MYO1B: variants seen among roughly 807,000 people sequenced by gnomAD.
MYO1B encodes unconventional myosin-Ib.
Under a neutral mutation model 159.7 loss-of-function variants are expected in MYO1B, and 72 were observed. That is an observed-to-expected ratio of 0.45 (90% CI 0.37 to 0.55). MYO1B has a LOEUF of 0.55. Among genes scored for constraint, MYO1B ranks in the 20% least tolerant of loss-of-function variants. The probability of loss-of-function intolerance (pLI) is 0.00; values close to 1 mark genes in which losing one functional copy is unlikely to be tolerated. For missense variants in MYO1B, 1,062 were observed against 1,364.8 expected, an observed-to-expected ratio of 0.78 and a Z score of 3.50; for synonymous variants, 468 against 473.8, an observed-to-expected ratio of 0.99 and a Z score of 0.16.
At position 191,372,411 on chromosome 2, in the gene MYO1B, T is replaced by C. The variant is rs575032097; in HGVS notation, c.1185+2119T>C. Among the ~76,000 whole-genome samples the C allele has an allele frequency of 3.9e-4, 60 of 152,298 alleles. No individual in the cohort carries two copies. In the Middle Eastern group the frequency reaches 0.01, roughly 26 times the overall value. Reference sequence around the variant, plus strand: ...TTAGCCATGGGAAAAGAAACACTTATAACACTCAAAGGAAACTGAGTTATA... The same window carrying C: ...TTAGCCATGGGAAAAGAAACACTTACAACACTCAAAGGAAACTGAGTTATA... On this transcript the variant is annotated intron_variant, in intron 13 of 30. Transcript: ENST00000392318.
chr2:191,414,938 A>G (rs950681181), intron 29 of MYO1B, among the ~76,000 whole-genome samples: 1 of 152,130 alleles, frequency 6.6e-6, no homozygotes, highest in Non-Finnish European at 1.5e-5. Flanking sequence ...TTTTTCTTCT[A>G]TGTATCAACT....
At chr2:191,423,572 C>T (rs1221373837) in intron 30 of MYO1B, among the ~76,000 whole-genome samples, 3 of 152,122 alleles carry the variant, frequency 2.0e-5, no homozygotes, top group East Asian at 1.9e-4. Flanking sequence ...TTCACTGAAA[C>T]GTTGTTAGGT....
In MYO1B at chr2:191,386,091, G is replaced by A. The variant is rs549577207; in HGVS notation, c.1554+7G>A. The A allele has an allele frequency of 5.6e-6, 9 of 1,613,758 alleles. No homozygotes were observed. The highest frequency in any genetic ancestry group is 6.8e-6 in the Non-Finnish European group (8 of 1,179,794). The stretch of plus-strand genomic sequence containing the variant: ...CCAGCATTATGCTGGAAAGGTATGG[G>A]GGAGCTGTGAGCACCCAGTCAGGCC... On this transcript the variant is annotated splice_region_variant and intron_variant, in intron 16 of 30. Coordinates refer to ENST00000392318, the MANE Select transcript of MYO1B (RefSeq NM_001130158.3).
rs572116213 is a variant in MYO1B, at chr2:191,265,651, C to T, written c.-9-11236C>T. Among the ~76,000 whole-genome samples, 12 of 152,200 alleles carry T rather than the reference C, an allele frequency of 7.9e-5. No homozygotes were observed. In the South Asian group the frequency reaches 2.5e-3, roughly 32 times the overall value. ...TACGTTCACTTAGGGGTTCCGGGGT[C>T]TCAGGTTTGCCAATCTAAACACATT... is the stretch of plus-strand genomic sequence containing the variant. On this transcript the variant is annotated intron_variant, in intron 1 of 30. Transcript: ENST00000392318.
chr2:191,296,195 A>G lies in MYO1B; in HGVS notation c.220A>G (p.Asn74Asp), dbSNP rs200150637. 1,175 of 1,609,390 alleles carry G rather than the reference A, an allele frequency of 7.3e-4. No individual in the cohort carries two copies. Among genetic ancestry groups the G allele is most frequent in the Non-Finnish European group, 9.4e-4 (1,108 of 1,176,844 alleles). Residue 74 changes from asparagine (N) to aspartate (D), a missense_variant, in exon 3 of 31, where the codon AAC becomes GAC. Asn to Asp is a conservative substitution (Grantham distance 23). Transcript: ENST00000392318. ...YSPEKVEEYRNRNFYELSPHI... is the reference protein window; with the variant it reads ...YSPEKVEEYRDRNFYELSPHI... ...ACCAGAGAAAGTGGAAGAATACAGG[A>G]ACAGAAATTTTTATGAACTGAGCCC...
chr2:191,343,415 T>A (rs1692352857), intron 5 of MYO1B, among the ~76,000 whole-genome samples: 1 of 152,120 alleles, frequency 6.6e-6, no homozygotes, highest in African/African-American at 2.4e-5. Flanking sequence ...ACACTTCCCA[T>A]GCTTCAGTTT....
At chr2:191,378,088 G>A (rs1360428414) in intron 13 of MYO1B, among the ~76,000 whole-genome samples, 1 of 151,998 alleles carries the variant, frequency 6.6e-6, no homozygotes, top group Non-Finnish European at 1.5e-5. Context: ...GCATCTCCAG[G>A]AGAATACTCT....
intron 13 of MYO1B, among the ~76,000 whole-genome samples, chr2:191,372,146 G>C (rs1482477372): frequency 7.3e-6 from 1 of 137,438 alleles, no homozygotes; most frequent in Non-Finnish European, 1.5e-5. Context: ...CATGAGCAGG[G>C]GAGATGGGTA....
intron 4 of MYO1B, among the ~76,000 whole-genome samples, chr2:191,339,843 G>A (rs957279520): frequency 6.6e-6 from 1 of 152,178 alleles, no homozygotes; most frequent in South Asian, 2.1e-4. Context: ...TTGCGCAAAA[G>A]CCCTCAGGAA....
chr2:191,337,669 A>T (rs1223414000), intron 4 of MYO1B, among the ~76,000 whole-genome samples: 2 of 152,168 alleles, frequency 1.3e-5, no homozygotes, highest in Non-Finnish European at 2.9e-5. Flanking sequence ...ACGTAAGTTT[A>T]CATATATAAA....
intron 22 of MYO1B, 111 bp downstream of exon 22, chr2:191,400,579 C>T (rs554146421): frequency 1.3e-5 from 18 of 1,376,994 alleles, no homozygotes; most frequent in Admixed American, 1.1e-4. Flanking sequence ...CTACTGAGCA[C>T]GTGTTTGCTT....
chr2:191,396,370 C>T, intron 20 of MYO1B, 59 bp from the exon 21 acceptor site: 1 of 1,552,796 alleles, frequency 6.4e-7, no homozygotes, highest in Non-Finnish European at 8.9e-7. Context: ...TTTCTCAATC[C>T]TTGTATGCGT....
intron 13 of MYO1B, among the ~76,000 whole-genome samples, chr2:191,373,428 G>A (rs1486831859): frequency 1.3e-5 from 2 of 152,118 alleles, no homozygotes; most frequent in Non-Finnish European, 2.9e-5. Flanking sequence ...CCAAACATGT[G>A]GTGTTCATGC....
chr2:191,417,550 G>A (rs569858597), intron 30 of MYO1B, among the ~76,000 whole-genome samples: 1 of 152,270 alleles, frequency 6.6e-6, no homozygotes, highest in South Asian at 2.1e-4. Context: ...AAGCTCCTCA[G>A]TGTACAGACG....
intron 3 of MYO1B, among the ~76,000 whole-genome samples, chr2:191,304,209 C>T (rs10497716): frequency 0.9 from 137,294 of 152,234 alleles, 63,576 homozygotes; most frequent in East Asian, 1. Flanking sequence ...GCTCCACGAA[C>T]TGAACTTGCT....
chr2:191,275,205 A>G (rs1356684359), intron 1 of MYO1B, among the ~76,000 whole-genome samples: 1 of 152,180 alleles, frequency 6.6e-6, no homozygotes, highest in Non-Finnish European at 1.5e-5. Context: ...CACCTGGCCT[A>G]TCTGGGACTT....
In MYO1B at chr2:191,274,066, T is replaced by G. The variant is rs569177214; in HGVS notation, c.-9-2821T>G. On this transcript the variant is annotated intron_variant, in intron 1 of 30. Coordinates refer to ENST00000392318, the MANE Select transcript of MYO1B (RefSeq NM_001130158.3). Reference sequence around the variant, plus strand: ...CCACACCGTTTCCTTAGTGTCCTATTTTTACCTTGAGAATGAGGTAGGCTG... The same window carrying G: ...CCACACCGTTTCCTTAGTGTCCTATGTTTACCTTGAGAATGAGGTAGGCTG... Among the ~76,000 whole-genome samples, 9 of 152,304 alleles carry G rather than the reference T, an allele frequency of 5.9e-5. No individual in the cohort carries two copies. The South Asian group carries it at 1.9e-3, about 32-fold the overall frequency.
chr2:191,386,117 T>G (rs756449880), intron 16 of MYO1B, 33 bp downstream of exon 16: 4 of 1,606,916 alleles, frequency 2.5e-6, no homozygotes, highest in Non-Finnish European at 3.4e-6. Context: ...CAGTCAGGCC[T>G]GCCAAGTTAC....
chr2:191,389,302 T>TTTAAG (rs1695595304), intron 17 of MYO1B, among the ~76,000 whole-genome samples: 1 of 152,206 alleles, frequency 6.6e-6, no homozygotes, highest in Admixed American at 6.5e-5. Flanking sequence ...ATCATGAATG[T>TTTAAG]TTAAGTATTA....
Sources: gnomAD v4.1 joint callset for allele counts (sites outside exome capture counted in the v4.1 genomes callset) on GRCh38, gnomAD v4.1.1 for gene constraint, MANE v1.5 for transcripts, NCBI Gene and HGNC (gene_info 2026-07-23, HGNC 2026-07-21) for gene names.